Variants in ATP2B2 observed in about 807,000 individuals in gnomAD.
The protein encoded by ATP2B2 is ATPase plasma membrane Ca2+ transporting 2, also known as plasma membrane calcium-transporting ATPase 2.
In ATP2B2, 15 loss-of-function variants were observed where a neutral mutation model predicts 120.0. The observed-to-expected ratio is 0.12, with a 90% CI of 0.08 to 0.19. The LOEUF (loss-of-function observed/expected upper bound fraction) is 0.19. Ranked by LOEUF, ATP2B2 falls within the 10% of genes least tolerant of loss-of-function variation. The pLI, the probability that ATP2B2 is intolerant of heterozygous loss-of-function variation, is 1.00. For missense variants in ATP2B2, 1,045 were observed against 1,719.8 expected (o/e 0.61, Z 6.94); for synonymous variants, 694 against 700.3 (o/e 0.99, Z 0.14).
At chr3:10,333,328 G>A (rs941468500) in intron 22 of ATP2B2, among the ~76,000 whole-genome samples, 2 of 152,104 alleles carry the variant, frequency 1.3e-5, no homozygotes, top group African/African-American at 4.8e-5. Context: ...TGCGGTGGGG[G>A]TGAAGGAGTT....
At chr3:10,531,729 T>C (rs1050142837) in intron 3 of ATP2B2, among the ~76,000 whole-genome samples, 4 of 152,142 alleles carry the variant, frequency 2.6e-5, no homozygotes, top group South Asian at 2.1e-4. Flanking sequence ...GATAACAAAA[T>C]TGTACATGCC....
intron 1 of ATP2B2, among the ~76,000 whole-genome samples, chr3:10,657,864 C>T (rs893924567): frequency 6.6e-6 from 1 of 152,228 alleles, no homozygotes; most frequent in Non-Finnish European, 1.5e-5. Flanking sequence ...GGCAGACTGA[C>T]ACCTCACACA....
Position 10,598,078 on chromosome 3 carries a change from C to T in ATP2B2, c.-415+21839G>A, listed in dbSNP as rs888980142. 9.2e-5 allele frequency among the ~76,000 whole-genome samples: 14 copies of T among 152,204 alleles called. No individual in the cohort carries two copies. The East Asian group carries it at 1.2e-3, about 13-fold the overall frequency. The stretch of plus-strand genomic sequence containing the variant: ...AGGGGAAGGTAAGTGATGAGACAAA[C>T]GGGAAAAGACCCCTCAGAACACAAA... On this transcript the variant is annotated intron_variant, in intron 2 of 21. Transcript: ENST00000646379.
chr3:10,692,130 T>C (rs535746636), intron 1 of ATP2B2, among the ~76,000 whole-genome samples: 28 of 152,334 alleles, frequency 1.8e-4, no homozygotes, highest in Non-Finnish European at 2.8e-4. Context: ...TATTTTTTAT[T>C]AGTTCAAAAT....
Position 10,375,366 on chromosome 3 carries a change from G to C in ATP2B2, c.1416+64C>G, listed in dbSNP as rs533741225. ...TCCCAACCCCAGCACCAGCCCCAGT[G>C]ATTCCCCCAGGCCCTCAGCTGCAGC... is the stretch of plus-strand genomic sequence containing the variant. On this transcript the variant is annotated intron_variant, in intron 11 of 22. Coordinates refer to ENST00000360273, the MANE Select transcript of ATP2B2 (RefSeq NM_001001331.4). The surrounding 1 kb of genome is among the most constrained non-coding windows in gnomAD (Gnocchi z 4.2). The C allele has an allele frequency of 7.0e-6, 10 of 1,425,304 alleles. No homozygotes were observed. The South Asian group carries it at 1.2e-4, about 16-fold the overall frequency. 88.3% of individuals were successfully genotyped at this position (1,425,304 alleles called of 1,614,324 possible).
At chr3:10,432,776 G>T (rs1370698211) in intron 2 of ATP2B2, among the ~76,000 whole-genome samples, 2 of 152,210 alleles carry the variant, frequency 1.3e-5, no homozygotes, top group East Asian at 3.9e-4. Flanking sequence ...GGGGACAAAG[G>T]GACGCGGCTT....
At chr3:10,511,197 T>G (rs1234214039) in intron 3 of ATP2B2, among the ~76,000 whole-genome samples, 7 of 152,106 alleles carry the variant, frequency 4.6e-5, no homozygotes, top group Non-Finnish European at 8.8e-5. Flanking sequence ...CCTGGAGAAC[T>G]CCTACTGATC....
At chr3:10,565,749 T>C (rs2067996567) in intron 2 of ATP2B2, among the ~76,000 whole-genome samples, 1 of 152,192 alleles carries the variant, frequency 6.6e-6, no homozygotes, top group Non-Finnish European at 1.5e-5. Context: ...CACCTATTGC[T>C]AGCTGGTGAC....
At chr3:10,697,633 A>G (rs897856897) in intron 1 of ATP2B2, among the ~76,000 whole-genome samples, 1 of 152,102 alleles carries the variant, frequency 6.6e-6, no homozygotes, top group Non-Finnish European at 1.5e-5. Flanking sequence ...CATGGCACAT[A>G]CAGTCTGCCT....
chr3:10,572,988 A>C (rs1270502540), intron 2 of ATP2B2, among the ~76,000 whole-genome samples: 1 of 152,228 alleles, frequency 6.6e-6, no homozygotes, highest in Non-Finnish European at 1.5e-5. Flanking sequence ...AATTTCAGGC[A>C]TCTGCAGACG....
intron 2 of ATP2B2, among the ~76,000 whole-genome samples, chr3:10,583,338 T>C (rs1018849680): frequency 1.5e-4 from 23 of 152,218 alleles, no homozygotes; most frequent in African/African-American, 5.3e-4. Context: ...ACATTATTTC[T>C]TTCAGTACTT....
rs1367431459 is a variant in ATP2B2, at chr3:10,325,943, A to G, written c.*2871T>C. The G allele has an allele frequency of 6.6e-6, 1 of 152,154 alleles. No individual in the cohort carries two copies. Among genetic ancestry groups the G allele is most frequent in the Non-Finnish European group, 1.5e-5 (1 of 68,028 alleles). 9.4% of individuals were successfully genotyped at this position (152,154 alleles called of 1,614,324 possible). ...AAGTAGAAAAAAGTATACATTACAGATATATTTACTATGTTCTGTTTGATG... is the reference window on the plus strand; with the variant it reads ...AAGTAGAAAAAAGTATACATTACAGGTATATTTACTATGTTCTGTTTGATG... On this transcript the variant is annotated 3_prime_UTR_variant, in exon 23 of 23. Coordinates refer to ENST00000360273, the MANE Select transcript of ATP2B2 (RefSeq NM_001001331.4).
intron 2 of ATP2B2, among the ~76,000 whole-genome samples, chr3:10,448,006 AGCTGGGAGCT>A (rs1226732960): frequency 2.6e-5 from 4 of 152,266 alleles, no homozygotes; most frequent in Admixed American, 1.3e-4. Flanking sequence ...GGACACAGAC[AGCTGGGAGCT>A]GCTGGGTGTA....
Position 10,352,384 on chromosome 3 carries a change from A to T in ATP2B2, c.2137-1807T>A, listed in dbSNP as rs77507169. ...GGGGTTCCACCCTGATGCCTTCAAG[A>T]GGAAACCCGCAGTTCTGAGCGTGGC... On this transcript the variant is annotated intron_variant, in intron 14 of 22. Transcript: ENST00000360273. 5.2e-3 allele frequency among the ~76,000 whole-genome samples: 796 copies of T among 152,278 alleles called. 5 individuals are homozygous for T. Among genetic ancestry groups the T allele is most frequent in the African/African-American group, 0.018 (746 of 41,558 alleles).
chr3:10,366,991 G>C (rs937832687), intron 12 of ATP2B2, among the ~76,000 whole-genome samples: 1 of 152,242 alleles, frequency 6.6e-6, no homozygotes, highest in Admixed American at 6.5e-5. Flanking sequence ...GGGGCACAGG[G>C]TGGGGCTGGG....
intron 1 of ATP2B2, among the ~76,000 whole-genome samples, chr3:10,639,224 C>G (rs919950688): frequency 2.6e-5 from 4 of 152,126 alleles, no homozygotes; most frequent in African/African-American, 7.2e-5. Context: ...TCACCAAAAG[C>G]CCAGCAGAAT....
At chr3:10,626,640 G>A (rs761254396) in intron 1 of ATP2B2, 14 of 151,860 alleles carry the variant, frequency 9.2e-5, no homozygotes, top group Admixed American at 3.3e-4. Context: ...TGGATGAATT[G>A]GTAGTTAGAG....
At chr3:10,682,432 G>A (rs1211019395) in intron 1 of ATP2B2, among the ~76,000 whole-genome samples, 1 of 152,206 alleles carries the variant, frequency 6.6e-6, no homozygotes, top group Non-Finnish European at 1.5e-5. Context: ...GAGTTTGAAT[G>A]GCTTAACTTC....
At chr3:10,350,693 T>C in intron 14 of ATP2B2, 116 bp from the exon 15 acceptor site, 1 of 1,120,610 alleles carries the variant, frequency 8.9e-7, no homozygotes, top group Non-Finnish European at 1.3e-6. Flanking sequence ...GGGGACTAGA[T>C]GACTATGAGA....
Sources: gnomAD v4.1 joint callset for allele counts (sites outside exome capture counted in the v4.1 genomes callset) on GRCh38, gnomAD v4.1.1 for gene constraint, Gnocchi (gnomAD v3.1) non-coding constraint, MANE v1.5 for transcripts, NCBI Gene and HGNC (gene_info 2026-07-23, HGNC 2026-07-21) for gene names.